JAM2: variants seen among roughly 807,000 people sequenced by gnomAD.
The protein encoded by JAM2 is junctional adhesion molecule B.
Under a neutral mutation model 42.0 loss-of-function variants are expected in JAM2, and 17 were observed. That is an observed-to-expected ratio of 0.40 (90% CI 0.28 to 0.61). The LOEUF (loss-of-function observed/expected upper bound fraction) is 0.61. Ranked by LOEUF, JAM2 falls within the 20% of genes least tolerant of loss-of-function variation. The pLI, the probability that JAM2 is intolerant of heterozygous loss-of-function variation, is 0.37. For missense variants in JAM2, 319 were observed against 358.3 expected, an observed-to-expected ratio of 0.89 and a Z score of 0.89; for synonymous variants, 118 against 128.6, an observed-to-expected ratio of 0.92 and a Z score of 0.56.
At chr21:25,664,361 G>A (rs1601007755) in intron 1 of JAM2, among the ~76,000 whole-genome samples, 1 of 151,998 alleles carries the variant, frequency 6.6e-6, no homozygotes, top group East Asian at 1.9e-4. Flanking sequence ...TCAGCCTCCC[G>A]AGTAGCTGGG....
At chr21:25,709,775 C>G (rs2034345683) in intron 8 of JAM2, 1 of 218,442 alleles carries the variant, frequency 4.6e-6, no homozygotes, top group South Asian at 1.5e-4. Context: ...AAAGCGGGAG[C>G]AGGCACGTCA....
Position 25,716,994 on chromosome 21 carries a change from T to C in JAM2, c.*2322T>C, listed in dbSNP as rs927194659. The C allele has an allele frequency of 2.0e-5, 3 of 152,250 alleles. No individual in the cohort carries two copies. The highest frequency in any genetic ancestry group is 7.2e-5 in the African/African-American group (3 of 41,464). The allele number at this position is 152,250 out of a possible 1,614,324, so 9.4% of individuals were successfully genotyped here. On this transcript the variant is annotated 3_prime_UTR_variant, in exon 10 of 10. Transcript: ENST00000480456. ...CATATTGTGGAAGGAAAATATGTAG[T>C]GCCTTAGCTTCACTAATAGTTGTAA...
chr21:25,703,815 C>G (rs996164157), intron 6 of JAM2, among the ~76,000 whole-genome samples: 5 of 148,440 alleles, frequency 3.4e-5, no homozygotes, highest in African/African-American at 1.2e-4. Flanking sequence ...GTTACATTTT[C>G]TCTTCACTGA....
At chr21:25,662,923 CA>C (rs1473648467) in intron 1 of JAM2, among the ~76,000 whole-genome samples, 1 of 152,124 alleles carries the variant, frequency 6.6e-6, no homozygotes, top group Non-Finnish European at 1.5e-5. Flanking sequence ...ATGGGAGGAT[CA>C]GACATGTAAA....
chr21:25,714,608 T>C (rs772437019), intron 9 of JAM2, 32 bp from the exon 10 acceptor site: 9 of 1,253,828 alleles, frequency 7.2e-6, no homozygotes, highest in Non-Finnish European at 9.0e-6. Flanking sequence ...TGAATTCATA[T>C]ATTTAAACCT....
At position 25,689,911 on chromosome 21, in the gene JAM2, G is replaced by A; in HGVS notation, c.179G>A (p.Arg60Lys). The stretch of plus-strand genomic sequence containing the variant: ...ACCCCAAAGAAGACTGTTTCCTCCA[G>A]ATTAGAGTGGAAGAAACTGGGTCGG... ...CKTPKKTVSSRLEWKKLGRSV... is the reference protein window; with the variant it reads ...CKTPKKTVSSKLEWKKLGRSV... The change falls in exon 3 of 10, where the codon AGA (arginine) becomes AAA (lysine). Residue 60 changes from arginine to lysine, a missense_variant. Arg to Lys is a conservative substitution (Grantham distance 26, BLOSUM62 2). Coordinates refer to ENST00000480456, the MANE Select transcript of JAM2 (RefSeq NM_021219.4). 6.2e-7 allele frequency: 1 copy of A among 1,613,876 alleles called. No homozygotes were observed. The highest frequency in any genetic ancestry group is 8.5e-7 in the Non-Finnish European group (1 of 1,179,824).
intron 1 of JAM2, among the ~76,000 whole-genome samples, chr21:25,645,634 A>G (rs1156632716): frequency 6.6e-6 from 1 of 152,214 alleles, no homozygotes; most frequent in African/African-American, 2.4e-5. Context: ...ATAACCACTG[A>G]CAATTGCTTT....
In JAM2 at chr21:25,639,569, C is replaced by T; in HGVS notation, c.-253C>T. On this transcript the variant is annotated 5_prime_UTR_variant, in exon 1 of 10. Coordinates refer to ENST00000480456, the MANE Select transcript of JAM2 (RefSeq NM_021219.4). ...CTCGTCTGGTTTTCACGCCCTCTAG[C>T]CCCTACCCCCACACCCCCAAAACAG... 1 of 426,008 alleles carries T rather than the reference C, an allele frequency of 2.3e-6. No individual in the cohort carries two copies. 26.4% of individuals were successfully genotyped at this position (426,008 alleles called of 1,614,324 possible).
intron 3 of JAM2, among the ~76,000 whole-genome samples, chr21:25,692,024 T>G (rs1449470633): frequency 7.3e-6 from 1 of 136,100 alleles, no homozygotes; most frequent in Non-Finnish European, 1.7e-5. Context: ...AAAAAAAAAT[T>G]TACATACATA....
chr21:25,662,339 A>G (rs1322844625), intron 1 of JAM2, among the ~76,000 whole-genome samples: 2 of 151,914 alleles, frequency 1.3e-5, no homozygotes, highest in Non-Finnish European at 2.9e-5. Context: ...GTGTAGAGAC[A>G]GGGTCTTGCT....
At chr21:25,677,785 A>G (rs1286437433) in intron 1 of JAM2, among the ~76,000 whole-genome samples, 2 of 152,230 alleles carry the variant, frequency 1.3e-5, no homozygotes, top group African/African-American at 4.8e-5. Flanking sequence ...GTGTAATAAA[A>G]TATTTCAGAA....
intron 1 of JAM2, among the ~76,000 whole-genome samples, chr21:25,642,340 A>C: frequency 6.6e-6 from 1 of 152,034 alleles, no homozygotes; most frequent in East Asian, 1.9e-4. Flanking sequence ...TTATTTTTCT[A>C]TCAGTATGGG....
chr21:25,654,790 C>T (rs139845240), intron 1 of JAM2, among the ~76,000 whole-genome samples: 1 of 151,972 alleles, frequency 6.6e-6, no homozygotes, highest in Non-Finnish European at 1.5e-5. Flanking sequence ...GATAGATGCA[C>T]AAATTAAATG....
chr21:25,651,805 A>C (rs1012877736), intron 1 of JAM2, among the ~76,000 whole-genome samples: 19 of 152,250 alleles, frequency 1.2e-4, no homozygotes, highest in Non-Finnish European at 2.9e-5. Flanking sequence ...TAAAGGAATG[A>C]TGGTGATCTC....
intron 2 of JAM2, among the ~76,000 whole-genome samples, chr21:25,686,757 T>C (rs2033760244): frequency 6.6e-6 from 1 of 152,258 alleles, no homozygotes; most frequent in African/African-American, 2.4e-5. Context: ...TTGTGTTATG[T>C]ATGATTTTGA....
chr21:25,686,702 A>G (rs1030242855), intron 2 of JAM2, among the ~76,000 whole-genome samples: 12 of 152,232 alleles, frequency 7.9e-5, no homozygotes, highest in African/African-American at 2.9e-4. Flanking sequence ...TCACAGAAGT[A>G]ATTTCTGCTA....
intron 1 of JAM2, among the ~76,000 whole-genome samples, chr21:25,674,787 G>A (rs2033444194): frequency 6.6e-6 from 1 of 151,090 alleles, no homozygotes; most frequent in African/African-American, 2.4e-5. Context: ...AATCTAGTAT[G>A]GTTAGACGAT....
At chr21:25,712,404 T>TCATTC in intron 9 of JAM2, 22 bp downstream of exon 9, 1 of 1,523,600 alleles carries the variant, frequency 6.6e-7, no homozygotes, top group Non-Finnish European at 9.1e-7. Flanking sequence ...TAAAGCATAT[T>TCATTC]TATAGAATGA....
chr21:25,670,725 G>GA (rs965007799), intron 1 of JAM2, among the ~76,000 whole-genome samples: 3 of 152,198 alleles, frequency 2.0e-5, no homozygotes, highest in African/African-American at 7.2e-5. Flanking sequence ...TTTACCAAAA[G>GA]AAAAGGGAAA....
Sources: allele counts gnomAD v4.1 joint callset (sites outside exome capture counted in the v4.1 genomes callset), GRCh38; gene constraint gnomAD v4.1.1; transcripts MANE v1.5; gene names NCBI Gene and HGNC (gene_info 2026-07-23, HGNC 2026-07-21).